Variants in DSCAM observed in about 807,000 individuals in gnomAD.
DSCAM encodes cell adhesion molecule DSCAM.
Under a neutral mutation model 217.7 loss-of-function variants are expected in DSCAM, and 47 were observed. The ratio of observed to expected loss-of-function variants is 0.22; its 90% CI spans 0.17 to 0.28. The LOEUF (loss-of-function observed/expected upper bound fraction) is 0.28, where lower values mean the gene tolerates loss of function less well. DSCAM is among the 10% of genes least tolerant of loss of function. The pLI, the probability that DSCAM is intolerant of heterozygous loss-of-function variation, is 1.00. For missense variants in DSCAM, 2,080 were observed against 2,618.3 expected, an observed-to-expected ratio of 0.79 and a Z score of 4.49; for synonymous variants, 1,056 against 1,015.3, an observed-to-expected ratio of 1.04 and a Z score of -0.76.
chr21:40,224,731 C>A (rs2146910464), intron 11 of DSCAM, among the ~76,000 whole-genome samples: 1 of 152,292 alleles, frequency 6.6e-6, no homozygotes, highest in South Asian at 2.1e-4. Flanking sequence ...AATTTGCTTT[C>A]ATATTTTCTA....
chr21:40,688,079 T>C (rs1008241507), intron 3 of DSCAM, among the ~76,000 whole-genome samples: 1 of 152,162 alleles, frequency 6.6e-6, no homozygotes, highest in Admixed American at 6.5e-5. Flanking sequence ...AGAGGTAAAA[T>C]TCTCCTTGAA....
chr21:40,670,225 C>A (rs1053613844), intron 3 of DSCAM, among the ~76,000 whole-genome samples: 3 of 152,120 alleles, frequency 2.0e-5, no homozygotes, highest in African/African-American at 7.2e-5. Context: ...GAGGACAGTT[C>A]AGTATTGTTA....
At chr21:40,843,170 C>G (rs78623592) in intron 1 of DSCAM, among the ~76,000 whole-genome samples, 1 of 152,212 alleles carries the variant, frequency 6.6e-6, no homozygotes, top group South Asian at 2.1e-4. Flanking sequence ...AAATAGCAAG[C>G]GTGTGCTCTG....
chr21:40,415,736 C>A (rs1489601280), intron 3 of DSCAM, among the ~76,000 whole-genome samples: 1 of 152,104 alleles, frequency 6.6e-6, no homozygotes, highest in African/African-American at 2.4e-5. Context: ...GCACAGGCTC[C>A]CCAGGGGGCC....
intron 11 of DSCAM, among the ~76,000 whole-genome samples, chr21:40,211,724 A>G (rs1412179795): frequency 1.3e-5 from 2 of 152,052 alleles, no homozygotes; most frequent in Admixed American, 6.5e-5. Context: ...TCACCAAAAT[A>G]CCTATGGACC....
intron 8 of DSCAM, among the ~76,000 whole-genome samples, chr21:40,333,440 C>T (rs1419484480): frequency 1.3e-5 from 2 of 152,156 alleles, no homozygotes; most frequent in Non-Finnish European, 1.5e-5. Context: ...TCTTGGCTCA[C>T]TGCAAACTCC....
Position 40,461,679 on chromosome 21 carries a change from T to C in DSCAM, c.509-92434A>G, listed in dbSNP as rs145459093. Among the ~76,000 whole-genome samples the C allele has an allele frequency of 6.6e-3, 1,004 of 152,344 alleles. 7 individuals carry two copies. The highest frequency in any genetic ancestry group is 0.011 in the Non-Finnish European group (740 of 68,032). ...GAGTTAAGGTTGCTCCTCAGCTGACTTTAATGTAGGGAGATTAGCCTGGAT... is the reference window on the plus strand; with the variant it reads ...GAGTTAAGGTTGCTCCTCAGCTGACCTTAATGTAGGGAGATTAGCCTGGAT... On this transcript the variant is annotated intron_variant, in intron 3 of 32. Transcript: ENST00000400454.
At position 40,692,296 on chromosome 21, in the gene DSCAM, G is replaced by A. The variant is rs761561692; in HGVS notation, c.508+514C>T. Reference sequence around the variant, plus strand: ...TTTCTACACACCAAATATAAGCCAAGAAATTATTCATATGCAAATATACAT... The same window carrying A: ...TTTCTACACACCAAATATAAGCCAAAAAATTATTCATATGCAAATATACAT... On this transcript the variant is annotated intron_variant, in intron 3 of 32. Transcript: ENST00000400454. Among the ~76,000 whole-genome samples, 98 of 152,204 alleles carry A rather than the reference G, an allele frequency of 6.4e-4. 1 individual carries two copies. Among genetic ancestry groups the A allele is most frequent in the Non-Finnish European group, 1.0e-3 (71 of 68,006 alleles).
chr21:40,313,515 T>C (rs541007358), intron 8 of DSCAM, among the ~76,000 whole-genome samples: 14 of 152,278 alleles, frequency 9.2e-5, no homozygotes, highest in African/African-American at 3.1e-4. Flanking sequence ...CATTCTGAAA[T>C]AGTTAAAATG....
rs891230823 is a variant in DSCAM at position 40,671,507 on chromosome 21, C to A, written c.508+21303G>T. Among the ~76,000 whole-genome samples, 299 of 151,652 alleles carry A rather than the reference C, an allele frequency of 2.0e-3. 3 individuals carry two copies. The highest frequency in any genetic ancestry group is 2.7e-3 in the Non-Finnish European group (185 of 67,888). On this transcript the variant is annotated intron_variant, in intron 3 of 32. Transcript: ENST00000400454. Reference sequence around the variant, plus strand: ...TGGTCAACATAGTGAAACTCCCCCCCCGCACCGTCTCTATTAAAAATACAA... The same window carrying A: ...TGGTCAACATAGTGAAACTCCCCCCACGCACCGTCTCTATTAAAAATACAA...
chr21:40,500,861 C>A (rs547432339), intron 3 of DSCAM, among the ~76,000 whole-genome samples: 4 of 152,320 alleles, frequency 2.6e-5, no homozygotes, highest in African/African-American at 7.2e-5. Context: ...AAGCCCATGA[C>A]CTGGGAGCCC....
intron 1 of DSCAM, among the ~76,000 whole-genome samples, chr21:40,832,483 G>A (rs1476424649): frequency 6.6e-6 from 1 of 152,126 alleles, no homozygotes; most frequent in Non-Finnish European, 1.5e-5. Flanking sequence ...AGGGGTATGT[G>A]ACAATCTATG....
At chr21:40,509,158 T>A (rs1442500713) in intron 3 of DSCAM, among the ~76,000 whole-genome samples, 1 of 152,106 alleles carries the variant, frequency 6.6e-6, no homozygotes, top group Non-Finnish European at 1.5e-5. Context: ...GAAGTTGATG[T>A]CAGTCCGTGA....
chr21:40,456,659 CAAT>C (rs1283542096), intron 3 of DSCAM, among the ~76,000 whole-genome samples: 1 of 150,702 alleles, frequency 6.6e-6, no homozygotes, highest in African/African-American at 2.4e-5. Context: ...ATACACTTCA[CAAT>C]AATACAAAAA....
chr21:40,316,978 T>G (rs1006963087), intron 8 of DSCAM, among the ~76,000 whole-genome samples: 1 of 152,214 alleles, frequency 6.6e-6, no homozygotes, highest in Non-Finnish European at 1.5e-5. Flanking sequence ...TCTGGGTGAT[T>G]AGCAGTGTTA....
rs186039636 is a variant in DSCAM at position 40,233,503 on chromosome 21, C to T, written c.2356+42594G>A. Among the ~76,000 whole-genome samples, 543 of 152,246 alleles carry T rather than the reference C, an allele frequency of 3.6e-3. 1 individual carries two copies. Among genetic ancestry groups the T allele is most frequent in the African/African-American group, 0.013 (536 of 41,546 alleles). ...AATATGTTCTTATGTATGATACACA[C>T]ACACACAACACGTAATATTGCACAA... is the stretch of plus-strand genomic sequence containing the variant. On this transcript the variant is annotated intron_variant, in intron 11 of 32. Transcript: ENST00000400454.
chr21:40,756,545 C>T (rs910210009), intron 1 of DSCAM, among the ~76,000 whole-genome samples: 1 of 148,808 alleles, frequency 6.7e-6, no homozygotes, highest in Admixed American at 6.9e-5. Context: ...GCTCCTGCCA[C>T]AATGCCCAGC....
intron 26 of DSCAM, among the ~76,000 whole-genome samples, chr21:40,077,607 A>T (rs1017601471): frequency 1.3e-5 from 2 of 151,166 alleles, no homozygotes; most frequent in Non-Finnish European, 2.9e-5. Flanking sequence ...AGCAATGCTG[A>T]TGCTTTTCAT....
chr21:40,095,251 A>G (rs2089661727), intron 20 of DSCAM, among the ~76,000 whole-genome samples: 1 of 152,186 alleles, frequency 6.6e-6, no homozygotes, highest in Admixed American at 6.5e-5. Context: ...TCATGATTCA[A>G]TTATCTCCCA....
Sources: allele counts gnomAD v4.1 joint callset (sites outside exome capture counted in the v4.1 genomes callset), GRCh38; gene constraint gnomAD v4.1.1; transcripts MANE v1.5; gene names NCBI Gene and HGNC (gene_info 2026-07-23, HGNC 2026-07-21).